The following SHTN1 variants were observed in gnomAD, a reference collection of about 807,000 sequenced individuals.
SHTN1 encodes shootin 1.
Under a neutral mutation model 83.1 loss-of-function variants are expected in SHTN1, and 42 were observed. That is an observed-to-expected ratio of 0.51 (90% confidence interval 0.39 to 0.65). The LOEUF (loss-of-function observed/expected upper bound fraction) is 0.65. Among genes scored for constraint, SHTN1 ranks in the 30% least tolerant of loss-of-function variants. The pLI, the probability that SHTN1 is intolerant of heterozygous loss-of-function variation, is 0.00. For missense variants in SHTN1, 622 were observed against 737.8 expected (o/e 0.84, Z 1.82); for synonymous variants, 224 against 247.7 (o/e 0.90, Z 0.90).
In SHTN1 at chr10:117,065,831, A is replaced by AGGAAGGAAGGAT. The variant is rs1221314660; in HGVS notation, c.-188-17322_-188-17321insATCCTTCCTTCC. On this transcript the variant is annotated intron_variant, in intron 1 of 17. Coordinates refer to the SHTN1 transcript ENST00000392901. ...AAGGAAGGAAGGAAGGAAGGAAGGA[A>AGGAAGGAAGGAT]GGAAGGAAGGAAGGAAGGAAGGAAA... 5.8e-5 allele frequency among the ~76,000 whole-genome samples: 5 copies of AGGAAGGAAGGAT among 86,284 alleles called. 1 individual carries two copies. The highest frequency in any genetic ancestry group is 3.8e-4 in the Admixed American group (3 of 7,900). 56.6% of individuals were successfully genotyped at this position (86,284 alleles called of 152,430 possible).
At chr10:117,121,492 T>C (rs1173616371) in intron 1 of SHTN1, among the ~76,000 whole-genome samples, 1 of 151,742 alleles carries the variant, frequency 6.6e-6, no homozygotes. Context: ...GGCAGGAGAA[T>C]TGCTTGAGCC....
At position 116,908,535 on chromosome 10, in the gene SHTN1, T is replaced by C. The variant is rs371140047; in HGVS notation, c.1360-1788A>G. Among the ~76,000 whole-genome samples the C allele has an allele frequency of 6.6e-5, 10 of 152,294 alleles. No homozygotes were observed. In the East Asian group the frequency reaches 1.2e-3, roughly 18 times the overall value. On this transcript the variant is annotated intron_variant, in intron 14 of 16. Transcript: ENST00000355371. ...ATTTATAATTTTTAAAAACTTACCA[T>C]CTCTATCATTTGTAAACAGATATTT... is the stretch of plus-strand genomic sequence containing the variant.
chr10:117,091,680 T>C (rs1004135259), intron 1 of SHTN1, among the ~76,000 whole-genome samples: 2 of 152,242 alleles, frequency 1.3e-5, no homozygotes, highest in East Asian at 3.8e-4. Flanking sequence ...TTTTAGCATA[T>C]ACATTTTCTC....
intron 1 of SHTN1, among the ~76,000 whole-genome samples, chr10:117,051,609 T>C (rs1490604831): frequency 6.6e-6 from 1 of 151,538 alleles, no homozygotes; most frequent in African/African-American, 2.4e-5. Flanking sequence ...TAGTTCAACA[T>C]AGGAAATACA....
At chr10:117,078,623 A>G (rs938387540) in intron 1 of SHTN1, among the ~76,000 whole-genome samples, 1 of 152,166 alleles carries the variant, frequency 6.6e-6, no homozygotes, top group Admixed American at 6.5e-5. Context: ...GCACCTATGG[A>G]GTTAATAGAA....
In SHTN1 at chr10:116,969,531, G is replaced by C. The variant is rs190434833; in HGVS notation, c.112-819C>G. ...GTGATCCATGTGTCCTCAGAATTCG[G>C]AATAGAGGAAGGTACCAAATTAAAA... On this transcript the variant is annotated intron_variant, in intron 2 of 16. Transcript: ENST00000355371. 7.9e-3 allele frequency among the ~76,000 whole-genome samples: 1,208 copies of C among 152,270 alleles called. 19 individuals are homozygous for C. Among genetic ancestry groups the C allele is most frequent in the South Asian group, 0.053 (256 of 4,820 alleles).
chr10:116,955,480 T>C (rs548720668), intron 4 of SHTN1, among the ~76,000 whole-genome samples: 11 of 152,280 alleles, frequency 7.2e-5, no homozygotes, highest in South Asian at 2.1e-4. Context: ...ATAATTGATA[T>C]TGGAAACAAA....
At chr10:117,043,588 C>T (rs1852617930) in intron 2 of SHTN1, among the ~76,000 whole-genome samples, 2 of 152,148 alleles carry the variant, frequency 1.3e-5, no homozygotes, top group Non-Finnish European at 2.9e-5. Flanking sequence ...TGCCTGTAAT[C>T]CCAGCACATT....
intron 3 of SHTN1, among the ~76,000 whole-genome samples, chr10:116,962,554 C>CA (rs1406538810): frequency 1.3e-5 from 2 of 152,216 alleles, no homozygotes; most frequent in South Asian, 4.2e-4. Flanking sequence ...ACTTTTTATT[C>CA]AATAACATTC....
intron 2 of SHTN1, among the ~76,000 whole-genome samples, chr10:117,044,876 G>A (rs1478833142): frequency 6.6e-6 from 1 of 152,106 alleles, no homozygotes; most frequent in Non-Finnish European, 1.5e-5. Flanking sequence ...GTGCTAAAAA[G>A]AAAGGATGTT....
At chr10:116,923,625 C>T (rs945831238) in intron 11 of SHTN1, among the ~76,000 whole-genome samples, 6 of 151,918 alleles carry the variant, frequency 3.9e-5, no homozygotes, top group African/African-American at 1.5e-4. Context: ...GCACAGTCAC[C>T]ACTCATTGCA....
intron 13 of SHTN1, 117 bp from the exon 14 acceptor site, chr10:116,911,960 A>G (rs2133348212): frequency 4.1e-6 from 3 of 728,490 alleles, no homozygotes; most frequent in Non-Finnish European, 7.1e-6. Context: ...ATGACTATAT[A>G]TATTTTTAAA....
chr10:116,994,471 A>C (rs2133521823), intron 1 of SHTN1, among the ~76,000 whole-genome samples: 1 of 152,192 alleles, frequency 6.6e-6, no homozygotes, highest in African/African-American at 2.4e-5. Flanking sequence ...GAGAAAATAA[A>C]AGATTTTTGT....
chr10:117,039,817 C>CA (rs1852556992), intron 2 of SHTN1, among the ~76,000 whole-genome samples: 1 of 148,568 alleles, frequency 6.7e-6, no homozygotes, highest in Middle Eastern at 3.2e-3. Context: ...TGCGCCCCTG[C>CA]ACTCCAGCCT....
chr10:116,897,901 C>T (rs1847577466), intron 16 of SHTN1, among the ~76,000 whole-genome samples: 1 of 152,166 alleles, frequency 6.6e-6, no homozygotes, highest in African/African-American at 2.4e-5. Flanking sequence ...TTCCTTGTTA[C>T]TCCCCCTCCC....
intron 1 of SHTN1, among the ~76,000 whole-genome samples, chr10:117,068,300 G>T (rs1477551643): frequency 6.6e-6 from 1 of 152,170 alleles, no homozygotes; most frequent in Non-Finnish European, 1.5e-5. Flanking sequence ...TGAGGCAGGA[G>T]AATCGCTTGA....
intron 1 of SHTN1, among the ~76,000 whole-genome samples, chr10:117,103,726 T>A (rs974630657): frequency 6.6e-6 from 1 of 151,668 alleles, no homozygotes; most frequent in Non-Finnish European, 1.5e-5. Context: ...TTAGTAGAGA[T>A]GGGGTTTCAC....
At chr10:116,915,326 TAA>T in intron 13 of SHTN1, 47 bp downstream of exon 13, 1 of 1,019,858 alleles carries the variant, frequency 9.8e-7, no homozygotes, top group Non-Finnish European at 1.5e-6. Context: ...TTTATACATT[TAA>T]AAAAGGAAAT....
chr10:117,121,261 A>C (rs780132751), intron 1 of SHTN1, among the ~76,000 whole-genome samples: 2 of 152,262 alleles, frequency 1.3e-5, no homozygotes, highest in South Asian at 2.1e-4. Context: ...TGTACATTTT[A>C]TAGCTATAGA....
Sources: gnomAD v4.1 joint callset for allele counts (sites outside exome capture counted in the v4.1 genomes callset) on GRCh38, gnomAD v4.1.1 for gene constraint, MANE v1.5 for transcripts, NCBI Gene and HGNC (gene_info 2026-07-23, HGNC 2026-07-21) for gene names.